Variants in DYSF observed in about 807,000 individuals in gnomAD.
The protein encoded by DYSF is dysferlin, also known as dystrophy-associated fer-1-like 1.
A neutral mutation model predicts 274.9 loss-of-function variants in DYSF; 212 were observed. The ratio of observed to expected loss-of-function variants is 0.77; its 90% CI spans 0.69 to 0.86. The LOEUF is 0.86. Among genes scored for constraint, DYSF ranks in the 40% least tolerant of loss-of-function variants. The pLI is 0.00. For synonymous variants in DYSF, 1,091 were observed against 1,078.7 expected (o/e 1.01, Z -0.22); for missense variants, 2,666 against 2,783.2 (o/e 0.96, Z 0.95).
At position 71,487,060 on chromosome 2, in the gene DYSF, A is replaced by G. The variant is rs2083425549; in HGVS notation, c.239+5090A>G. On this transcript the variant is annotated intron_variant, in intron 3 of 55. Coordinates refer to ENST00000410020, the MANE Select transcript of DYSF (RefSeq NM_001130987.2). ...CGTTGGTTTGGGGCAAGGTCTGTGC[A>G]GCATCACCTACTCTCCAGGTGCTGG... 2.0e-5 allele frequency among the ~76,000 whole-genome samples: 3 copies of G among 152,184 alleles called. No homozygotes were observed. In the South Asian group the frequency reaches 6.2e-4, roughly 31 times the overall value.
At chr2:71,631,804 G>T (rs986608761) in intron 41 of DYSF, among the ~76,000 whole-genome samples, 1 of 151,914 alleles carries the variant, frequency 6.6e-6, no homozygotes, top group African/African-American at 2.4e-5. Flanking sequence ...TCCCTGCTTG[G>T]CATTCCTGTG....
chr2:71,509,562 GT>G (rs1372184748), intron 4 of DYSF, among the ~76,000 whole-genome samples: 1 of 152,174 alleles, frequency 6.6e-6, no homozygotes, highest in African/African-American at 2.4e-5. Flanking sequence ...TCCTGCATTA[GT>G]CAGTTGGCAT....
At chr2:71,467,633 A>C (rs2081630473) in intron 1 of DYSF, among the ~76,000 whole-genome samples, 1 of 152,072 alleles carries the variant, frequency 6.6e-6, no homozygotes, top group African/African-American at 2.4e-5. Flanking sequence ...GCAGATTCCC[A>C]CTGGAGCGGG....
intron 1 of DYSF, among the ~76,000 whole-genome samples, chr2:71,480,011 C>T (rs2082753409): frequency 6.6e-6 from 1 of 152,164 alleles, no homozygotes; most frequent in African/African-American, 2.4e-5. Context: ...TGATCTAATT[C>T]CAGAACATTT....
intron 24 of DYSF, 75 bp downstream of exon 24, chr2:71,564,288 C>T (rs919375534): frequency 1.3e-6 from 2 of 1,584,098 alleles, no homozygotes; most frequent in African/African-American, 2.7e-5. Flanking sequence ...CTTCTGTTTC[C>T]CCTCCTGTTC....
intron 30 of DYSF, among the ~76,000 whole-genome samples, chr2:71,582,326 C>T (rs889173322): frequency 2.6e-5 from 4 of 152,134 alleles, no homozygotes; most frequent in African/African-American, 9.7e-5. Context: ...CCAGCCATTG[C>T]CTTCTGCCCT....
At chr2:71,507,414 C>T (rs2085601809) in intron 4 of DYSF, among the ~76,000 whole-genome samples, 1 of 152,234 alleles carries the variant, frequency 6.6e-6, no homozygotes, top group Admixed American at 6.5e-5. Context: ...ATCCTTCTTG[C>T]TCTGGTTTAC....
At chr2:71,485,516 C>A (rs2083290240) in intron 3 of DYSF, among the ~76,000 whole-genome samples, 1 of 152,128 alleles carries the variant, frequency 6.6e-6, no homozygotes, top group Non-Finnish European at 1.5e-5. Context: ...AGATCACTGG[C>A]TTTGTGCCAG....
intron 42 of DYSF, among the ~76,000 whole-genome samples, chr2:71,645,408 C>T (rs904147413): frequency 1.4e-4 from 22 of 152,042 alleles, no homozygotes; most frequent in Non-Finnish European, 2.1e-4. Context: ...GGTCAATGGC[C>T]TGCTGGCCTG....
At position 71,612,719 on chromosome 2, in the gene DYSF, G is replaced by A. The variant is rs1465686759; in HGVS notation, c.4300G>A (p.Val1434Met). The A allele has an allele frequency of 6.2e-7, 1 of 1,614,200 alleles. No individual in the cohort carries two copies. Residue 1434 changes from valine to methionine, a missense_variant, in exon 39 of 56, where the codon GTG becomes ATG. Val to Met is a conservative substitution (Grantham distance 21). Coordinates refer to ENST00000410020, the MANE Select transcript of DYSF (RefSeq NM_001130987.2). ...IDNRQFGRRP[V>M]VGQCTIRSLE... ...TAACCGCCAGTTTGGCCGCCGGCCT[G>A]TGGTGGGCCAGTGTACCATCCGCTC... is the stretch of plus-strand genomic sequence containing the variant.
intron 13 of DYSF, among the ~76,000 whole-genome samples, chr2:71,527,849 ACT>A (rs2088135957): frequency 6.6e-6 from 1 of 152,112 alleles, no homozygotes; most frequent in Non-Finnish European, 1.5e-5. Context: ...TAGATTAAAA[ACT>A]CTTAAAAAAA....
intron 4 of DYSF, among the ~76,000 whole-genome samples, chr2:71,509,929 C>T (rs1385385032): frequency 1.3e-5 from 2 of 152,144 alleles, no homozygotes; most frequent in South Asian, 2.1e-4. Context: ...GTGCATGCCA[C>T]CACGCCTGGC....
chr2:71,586,812 C>T (rs1281299963), intron 30 of DYSF, among the ~76,000 whole-genome samples: 4 of 152,000 alleles, frequency 2.6e-5, no homozygotes, highest in African/African-American at 7.3e-5. Context: ...GCCCTGGAGC[C>T]GGAGGCGCCT....
intron 55 of DYSF, among the ~76,000 whole-genome samples, chr2:71,686,034 C>T (rs984428791): frequency 2.6e-5 from 4 of 152,152 alleles, no homozygotes; most frequent in Non-Finnish European, 5.9e-5. Flanking sequence ...TGGGGGAGGA[C>T]CCTGGGCCCC....
chr2:71,520,719 G>C, intron 11 of DYSF, 70 bp from the exon 12 acceptor site: 1 of 1,382,888 alleles, frequency 7.2e-7, no homozygotes, highest in Non-Finnish European at 1.0e-6. Context: ...GTCCATCCTG[G>C]GTTCCCGGAT....
intron 17 of DYSF, 113 bp from the exon 18 acceptor site, chr2:71,550,928 G>C: frequency 1.2e-6 from 1 of 832,308 alleles, no homozygotes. Flanking sequence ...TGCATCTGGT[G>C]CATGTGGGGG....
At chr2:71,459,658 C>T (rs1468760419) in intron 1 of DYSF, among the ~76,000 whole-genome samples, 1 of 152,124 alleles carries the variant, frequency 6.6e-6, no homozygotes, top group African/African-American at 2.4e-5. Context: ...AAACATTGTA[C>T]TGATTAAAGA....
At chr2:71,510,140 G>A (rs1414228237) in intron 4 of DYSF, among the ~76,000 whole-genome samples, 1 of 152,200 alleles carries the variant, frequency 6.6e-6, no homozygotes, top group Non-Finnish European at 1.5e-5. Flanking sequence ...GCAAGAAGAT[G>A]GTCCAGGCTC....
chr2:71,631,679 T>C (rs2094315399), intron 41 of DYSF, among the ~76,000 whole-genome samples: 1 of 152,152 alleles, frequency 6.6e-6, no homozygotes, highest in Non-Finnish European at 1.5e-5. Context: ...TTATTTGCTG[T>C]GTTTGCTGGT....
Sources: allele counts gnomAD v4.1 joint callset (sites outside exome capture counted in the v4.1 genomes callset), GRCh38; gene constraint gnomAD v4.1.1; transcripts MANE v1.5; gene names NCBI Gene and HGNC (gene_info 2026-07-23, HGNC 2026-07-21).